The following ALK variants were observed in gnomAD, a reference collection of about 807,000 sequenced individuals.
ALK encodes ALK tyrosine kinase receptor.
In ALK, 74 loss-of-function variants were observed where a neutral mutation model predicts 163.1. The observed-to-expected ratio is 0.45, with a 90% CI of 0.38 to 0.55. ALK has a LOEUF of 0.55. Ranked by LOEUF, ALK falls within the 20% of genes least tolerant of loss-of-function variation. ALK has a pLI of 0.00. For synonymous variants in ALK, 960 were observed against 843.2 expected, an observed-to-expected ratio of 1.14 and a Z score of -2.40; for missense variants, 2,063 against 2,105.3, an observed-to-expected ratio of 0.98 and a Z score of 0.39.
chr2:29,605,866 C>G (rs893362604), intron 3 of ALK, among the ~76,000 whole-genome samples: 1 of 152,132 alleles, frequency 6.6e-6, no homozygotes. Context: ...GGAATGCTGC[C>G]TCCCCACCCC....
At chr2:29,466,673 G>A (rs1165709343) in intron 4 of ALK, among the ~76,000 whole-genome samples, 3 of 152,160 alleles carry the variant, frequency 2.0e-5, no homozygotes, top group Non-Finnish European at 4.4e-5. Flanking sequence ...ATTGCTGATG[G>A]CTTCTCAATG....
intron 6 of ALK, among the ~76,000 whole-genome samples, chr2:29,321,621 G>C (rs1273214080): frequency 6.6e-6 from 1 of 152,190 alleles, no homozygotes; most frequent in South Asian, 2.1e-4. Context: ...GAAAGTTCTT[G>C]TTCCTAAGGG....
intron 23 of ALK, among the ~76,000 whole-genome samples, chr2:29,218,670 C>T (rs1669704389): frequency 6.6e-6 from 1 of 152,212 alleles, no homozygotes; most frequent in Non-Finnish European, 1.5e-5. Context: ...CTCCCAGACT[C>T]CCTTTGCAAA....
chr2:29,256,348 A>G (rs986385761), intron 11 of ALK, among the ~76,000 whole-genome samples: 1 of 152,122 alleles, frequency 6.6e-6, no homozygotes, highest in African/African-American at 2.4e-5. Flanking sequence ...CTGTGCACCT[A>G]ATATAGGCCA....
intron 4 of ALK, among the ~76,000 whole-genome samples, chr2:29,443,960 C>T (rs189785816): frequency 8.5e-4 from 130 of 152,304 alleles, no homozygotes; most frequent in African/African-American, 3.0e-3. Context: ...TATTTCTTTT[C>T]CTACTGTTTC....
chr2:29,756,155 A>G (rs1277149920), intron 1 of ALK, among the ~76,000 whole-genome samples: 1 of 152,174 alleles, frequency 6.6e-6, no homozygotes, highest in Non-Finnish European at 1.5e-5. Flanking sequence ...GCCTTTGCAC[A>G]TGCAGTTCCC....
chr2:29,349,486 G>T (rs1414170243), intron 5 of ALK, among the ~76,000 whole-genome samples: 1 of 152,236 alleles, frequency 6.6e-6, no homozygotes, highest in Non-Finnish European at 1.5e-5. Context: ...TGCTAAGGCA[G>T]TTGGCATGGC....
intron 11 of ALK, among the ~76,000 whole-genome samples, chr2:29,256,296 T>A (rs926871961): frequency 6.6e-6 from 1 of 152,074 alleles, no homozygotes; most frequent in African/African-American, 2.4e-5. Context: ...ACCTGAGAGG[T>A]AATCTCCACT....
At chr2:29,740,205 T>C (rs1445890277) in intron 1 of ALK, among the ~76,000 whole-genome samples, 1 of 152,072 alleles carries the variant, frequency 6.6e-6, no homozygotes, top group Non-Finnish European at 1.5e-5. Context: ...TACTTGACTA[T>C]TATGCTCCAC....
intron 3 of ALK, among the ~76,000 whole-genome samples, chr2:29,632,360 T>C (rs1189022951): frequency 6.6e-6 from 1 of 152,164 alleles, no homozygotes; most frequent in East Asian, 1.9e-4. Flanking sequence ...TGATTGTATT[T>C]GGAGATAGGG....
intron 4 of ALK, among the ~76,000 whole-genome samples, chr2:29,483,219 T>C (rs1671704395): frequency 6.6e-6 from 1 of 152,222 alleles, no homozygotes; most frequent in Non-Finnish European, 1.5e-5. Flanking sequence ...GAAAATATAT[T>C]ATCTCAATGG....
intron 3 of ALK, among the ~76,000 whole-genome samples, chr2:29,598,497 A>G (rs748058282): frequency 6.6e-6 from 1 of 152,174 alleles, no homozygotes; most frequent in African/African-American, 2.4e-5. Flanking sequence ...AACAGTTTTT[A>G]TTAGGGACAT....
intron 1 of ALK, among the ~76,000 whole-genome samples, chr2:29,748,130 A>G (rs1680254504): frequency 6.6e-6 from 1 of 152,146 alleles, no homozygotes; most frequent in African/African-American, 2.4e-5. Flanking sequence ...GACCCACAAC[A>G]AGAGATCCAC....
rs182123512 is a variant in ALK, at chr2:29,879,282, A to T, written c.667+40711T>A. Reference sequence around the variant, plus strand: ...TTCCAAACTTTAGACAAAACAGCTTACAAGGAAATACTCTTATTTTAAACC... The same window carrying T: ...TTCCAAACTTTAGACAAAACAGCTTTCAAGGAAATACTCTTATTTTAAACC... On this transcript the variant is annotated intron_variant, in intron 1 of 28. Coordinates refer to ENST00000389048, the MANE Select transcript of ALK (RefSeq NM_004304.5). Among the ~76,000 whole-genome samples the T allele has an allele frequency of 3.3e-3, 499 of 152,350 alleles. 1 individual carries two copies. Among genetic ancestry groups the T allele is most frequent in the Non-Finnish European group, 5.8e-3 (392 of 68,028 alleles).
At chr2:29,670,419 G>T (rs1046028134) in intron 3 of ALK, among the ~76,000 whole-genome samples, 2 of 151,716 alleles carry the variant, frequency 1.3e-5, no homozygotes, top group African/African-American at 4.8e-5. Context: ...TGTTATTTCA[G>T]TTTTTTTTCT....
chr2:29,727,100 C>G (rs894969499), intron 1 of ALK, among the ~76,000 whole-genome samples: 3 of 152,164 alleles, frequency 2.0e-5, no homozygotes, highest in African/African-American at 7.2e-5. Flanking sequence ...GGAAGTCGAC[C>G]TAGAAACACA....
chr2:29,609,184 A>G (rs1050217991), intron 3 of ALK, among the ~76,000 whole-genome samples: 3 of 152,134 alleles, frequency 2.0e-5, no homozygotes, highest in African/African-American at 7.2e-5. Flanking sequence ...TCGGCCTCCC[A>G]GAGTGCTGGG....
chr2:29,896,603 G>T (rs980857098), intron 1 of ALK, among the ~76,000 whole-genome samples: 10 of 152,128 alleles, frequency 6.6e-5, no homozygotes, highest in Admixed American at 4.6e-4. Flanking sequence ...CTTAACCTTG[G>T]ACTTCTAGCC....
At chr2:29,278,979 T>TGG (rs753747158) in intron 9 of ALK, among the ~76,000 whole-genome samples, 1 of 23,912 alleles carries the variant, frequency 4.2e-5, no homozygotes, top group South Asian at 2.8e-3. Flanking sequence ...TGTGTGTGCC[T>TGG]GGGGGGGGGG....
Sources: gnomAD v4.1 joint callset for allele counts (sites outside exome capture counted in the v4.1 genomes callset) on GRCh38, gnomAD v4.1.1 for gene constraint, MANE v1.5 for transcripts, NCBI Gene and HGNC (gene_info 2026-07-23, HGNC 2026-07-21) for gene names.